Variants in ACVR1 observed in about 807,000 individuals in gnomAD.
ACVR1 encodes activin A receptor type 1, also known as activin receptor type-1.
A neutral mutation model predicts 57.1 loss-of-function variants in ACVR1; 38 were observed. The ratio of observed to expected loss-of-function variants is 0.67; its 90% CI spans 0.51 to 0.87. The LOEUF (loss-of-function observed/expected upper bound fraction) is 0.87. Among genes scored for constraint, ACVR1 ranks in the 40% least tolerant of loss-of-function variants. The pLI is 0.00. For synonymous variants in ACVR1, 212 were observed against 228.1 expected, an observed-to-expected ratio of 0.93 and a Z score of 0.63; for missense variants, 463 against 638.2, an observed-to-expected ratio of 0.73 and a Z score of 2.96.
intron 1 of ACVR1, among the ~76,000 whole-genome samples, chr2:157,855,296 G>C (rs1161448331): frequency 1.3e-5 from 1 of 78,602 alleles, no homozygotes; most frequent in East Asian, 7.9e-4. Flanking sequence ...GTGTGTGTGT[G>C]TGTGTGTGTG....
chr2:157,759,335 A>G (rs1244007685), intron 9 of ACVR1, among the ~76,000 whole-genome samples: 2 of 152,042 alleles, frequency 1.3e-5, no homozygotes, highest in Non-Finnish European at 2.9e-5. Context: ...AGAATACAAA[A>G]ATCATCAGAG....
At chr2:157,769,422 T>C (rs1380286951) in intron 7 of ACVR1, among the ~76,000 whole-genome samples, 1 of 152,080 alleles carries the variant, frequency 6.6e-6, no homozygotes, top group East Asian at 1.9e-4. Flanking sequence ...TAGGACCCGA[T>C]GGGTAAGCAA....
chr2:157,787,091 A>G (rs752959996), intron 3 of ACVR1, among the ~76,000 whole-genome samples: 21 of 152,152 alleles, frequency 1.4e-4, no homozygotes, highest in Non-Finnish European at 5.9e-5. Context: ...TGTCTCTGAA[A>G]TAATCCCTGT....
At chr2:157,793,918 C>G (rs1687015070) in intron 3 of ACVR1, among the ~76,000 whole-genome samples, 1 of 152,142 alleles carries the variant, frequency 6.6e-6, no homozygotes, top group South Asian at 2.1e-4. Context: ...TTTGTAAATA[C>G]TAAAATCAAG....
chr2:157,764,396 T>C (rs1454223413), intron 8 of ACVR1, among the ~76,000 whole-genome samples: 4 of 148,504 alleles, frequency 2.7e-5, no homozygotes, highest in Non-Finnish European at 1.5e-5. Context: ...TTAGTAGAGA[T>C]GGGGTTTCAT....
chr2:157,780,464 T>C lies in ACVR1; in HGVS notation c.204A>G (p.Lys68=). The C allele has an allele frequency of 6.2e-7, 1 of 1,614,090 alleles. No individual in the cohort carries two copies. The highest frequency in any genetic ancestry group is 8.5e-7 in the Non-Finnish European group (1 of 1,180,008). Residue 68 remains lysine (K), a synonymous_variant, in exon 4 of 11, where the codon AAA becomes AAG. Transcript: ENST00000434821. ...CCTGCTCATAAACCTGGAAGCAGCC[T>C]TTCTGGTAGACGTGGAAGCCATCGT... ...SINDGFHVYQ[K]GCFQVYEQGK...
Position 157,780,576 on chromosome 2 carries a change from T to C in ACVR1, c.92A>G (p.Lys31Arg), listed in dbSNP as rs547743970. 2.2e-5 allele frequency: 36 copies of C among 1,613,736 alleles called. No individual in the cohort carries two copies. The highest frequency in any genetic ancestry group is 5.3e-5 in the African/African-American group (4 of 74,842). Residue 31 changes from lysine to arginine, a missense_variant, in exon 4 of 11, where the codon AAA (lysine) becomes AGA (arginine). This residue lies in a region of ACVR1 where 203 missense variants were observed against 235.5 expected (regional missense o/e 0.86). Coordinates refer to ENST00000434821, the MANE Select transcript of ACVR1 (RefSeq NM_001111067.4). ...ACCTTCACACACACACATGTAGAGT[T>C]TGGGGTTGACCTTGGGCTTCTCATC... is the stretch of plus-strand genomic sequence containing the variant. ...MEDEKPKVNP[K>R]LYMCVCEGLS...
intron 1 of ACVR1, among the ~76,000 whole-genome samples, chr2:157,857,717 G>A (rs1312925720): frequency 2.6e-5 from 4 of 152,218 alleles, no homozygotes; most frequent in Non-Finnish European, 5.9e-5. Flanking sequence ...AAGCAGCCTT[G>A]TCAGCACCGT....
intron 1 of ACVR1, among the ~76,000 whole-genome samples, chr2:157,850,993 T>C (rs1689279210): frequency 6.6e-6 from 1 of 152,066 alleles, no homozygotes; most frequent in African/African-American, 2.4e-5. Flanking sequence ...AGCAGATCTG[T>C]TAACTTAACA....
intron 1 of ACVR1, among the ~76,000 whole-genome samples, chr2:157,836,958 T>C (rs1251111878): frequency 6.6e-6 from 1 of 152,218 alleles, no homozygotes; most frequent in Non-Finnish European, 1.5e-5. Context: ...ATGTGCTTCA[T>C]TACATCTGCA....
At chr2:157,847,840 A>G (rs920574900) in intron 1 of ACVR1, among the ~76,000 whole-genome samples, 1 of 152,176 alleles carries the variant, frequency 6.6e-6, no homozygotes, top group Non-Finnish European at 1.5e-5. Flanking sequence ...GGGGGCGAGG[A>G]GTGGAGACAG....
chr2:157,816,401 T>C (rs1416437916), intron 2 of ACVR1, among the ~76,000 whole-genome samples: 2 of 149,128 alleles, frequency 1.3e-5, no homozygotes, highest in Non-Finnish European at 1.5e-5. Context: ...CTGGGCAACA[T>C]AGTGAGACTC....
intron 1 of ACVR1, among the ~76,000 whole-genome samples, chr2:157,865,362 C>T (rs886233402): frequency 3.3e-5 from 5 of 152,282 alleles, no homozygotes; most frequent in Non-Finnish European, 4.4e-5. Context: ...CATTGCTTCA[C>T]AAATAAAAAG....
At chr2:157,850,314 C>T (rs1347099719) in intron 1 of ACVR1, among the ~76,000 whole-genome samples, 4 of 151,448 alleles carry the variant, frequency 2.6e-5, no homozygotes, top group Admixed American at 6.6e-5. Context: ...CATTTGAACC[C>T]GGTAGGCAGA....
intron 6 of ACVR1, 32 bp downstream of exon 6, chr2:157,774,056 T>C (rs763272927): frequency 6.3e-7 from 1 of 1,580,578 alleles, no homozygotes; most frequent in Non-Finnish European, 8.7e-7. Context: ...ACATTGCATA[T>C]TACCCACAAA....
chr2:157,753,833 T>C (rs1685307250), intron 9 of ACVR1, among the ~76,000 whole-genome samples: 1 of 152,156 alleles, frequency 6.6e-6, no homozygotes, highest in African/African-American at 2.4e-5. Flanking sequence ...CAGGGAAATT[T>C]CTCCAAGATA....
chr2:157,798,936 GC>G (rs1428983483), intron 3 of ACVR1, among the ~76,000 whole-genome samples: 2 of 151,568 alleles, frequency 1.3e-5, no homozygotes, highest in East Asian at 3.9e-4. Flanking sequence ...TCGCTCTGTT[GC>G]CCGGGCTGGA....
chr2:157,865,485 T>TGATA (rs894340788), intron 1 of ACVR1, among the ~76,000 whole-genome samples: 5 of 152,114 alleles, frequency 3.3e-5, no homozygotes, highest in African/African-American at 4.8e-5. Context: ...GATAGATGAT[T>TGATA]GATAGATAGA....
intron 1 of ACVR1, among the ~76,000 whole-genome samples, chr2:157,834,839 C>A (rs992302091): frequency 1.3e-5 from 2 of 151,990 alleles, no homozygotes; most frequent in Non-Finnish European, 2.9e-5. Context: ...GGGATGAGTG[C>A]CCCTGTGGAT....
Sources: gnomAD v4.1 joint callset for allele counts (sites outside exome capture counted in the v4.1 genomes callset) on GRCh38, gnomAD v4.1.1 for gene constraint, gnomAD v4.1.1 regional missense constraint, MANE v1.5 for transcripts, NCBI Gene and HGNC (gene_info 2026-07-23, HGNC 2026-07-21) for gene names.